Variants in FMN1 observed in about 807,000 individuals in gnomAD.
FMN1 encodes formin-1.
Under a neutral mutation model 132.4 loss-of-function variants are expected in FMN1, and 110 were observed. The ratio of observed to expected loss-of-function variants is 0.83; its 90% confidence interval spans 0.71 to 0.97. FMN1 has a LOEUF of 0.97. Ranked by LOEUF, FMN1 falls within the 50% of genes least tolerant of loss-of-function variation. The pLI, the probability that FMN1 is intolerant of heterozygous loss-of-function variation, is 0.00. For missense variants in FMN1, 1,792 were observed against 1,705.3 expected (o/e 1.05, Z -0.90); for synonymous variants, 722 against 651.7 (o/e 1.11, Z -1.64).
At chr15:32,839,832 A>G (rs1314822353) in intron 17 of FMN1, among the ~76,000 whole-genome samples, 4 of 151,890 alleles carry the variant, frequency 2.6e-5, no homozygotes, top group Non-Finnish European at 5.9e-5. Context: ...CTTAGTCATG[A>G]AATGGGGAAC....
At chr15:33,016,516 T>G (rs1254302294) in intron 6 of FMN1, among the ~76,000 whole-genome samples, 2 of 152,194 alleles carry the variant, frequency 1.3e-5, no homozygotes, top group African/African-American at 4.8e-5. Context: ...CGGTTTTGTG[T>G]CTGTCAGAAA....
rs368313585 is a variant in FMN1, at chr15:33,039,846, T to C, written c.2161+25111A>G. The stretch of plus-strand genomic sequence containing the variant: ...TAGAAGTCATTGGTTGCCTCTATCA[T>C]CTCTCCTCTGGACTACTATTAGAAA... On this transcript the variant is annotated intron_variant, in intron 6 of 20. Transcript: ENST00000616417. 2.6e-5 allele frequency among the ~76,000 whole-genome samples: 4 copies of C among 152,188 alleles called. No homozygotes were observed. In the East Asian group the frequency reaches 5.8e-4, roughly 22 times the overall value.
chr15:32,788,242 C>A (rs74011975), intron 19 of FMN1, among the ~76,000 whole-genome samples: 5,921 of 152,264 alleles, frequency 0.039, 383 homozygotes, highest in African/African-American at 0.13. Context: ...GCCGACCCGG[C>A]GATTTAGGTG....
chr15:33,156,360 C>T (rs1445232863), intron 3 of FMN1, among the ~76,000 whole-genome samples: 3 of 148,996 alleles, frequency 2.0e-5, no homozygotes, highest in Admixed American at 6.7e-5. Flanking sequence ...GGCTCACTGC[C>T]GTCTCAACAT....
chr15:32,883,546 T>C (rs1277853914), intron 16 of FMN1, among the ~76,000 whole-genome samples: 2 of 63,068 alleles, frequency 3.2e-5, no homozygotes, highest in East Asian at 7.1e-4. Context: ...AAAAAAAGAA[T>C]GAGATCAAGC....
intron 9 of FMN1, among the ~76,000 whole-genome samples, chr15:32,929,999 T>TC (rs1289708680): frequency 7.3e-6 from 1 of 137,782 alleles, no homozygotes; most frequent in African/African-American, 2.8e-5. Flanking sequence ...TTTTTTTTTT[T>TC]TTTTTTTTGA....
intron 6 of FMN1, among the ~76,000 whole-genome samples, chr15:33,024,159 A>T (rs903560488): frequency 5.9e-5 from 9 of 151,470 alleles, no homozygotes; most frequent in Admixed American, 5.3e-4. Context: ...AAAAGACACA[A>T]TCTCACTTGT....
At chr15:32,776,679 C>G (rs950423460) in intron 20 of FMN1, among the ~76,000 whole-genome samples, 156 bp downstream of exon 20, 1 of 148,848 alleles carries the variant, frequency 6.7e-6, no homozygotes, top group African/African-American at 2.5e-5. Flanking sequence ...TACCTCCACC[C>G]ACACATACTT....
chr15:33,108,727 G>A (rs1300103223), intron 4 of FMN1, among the ~76,000 whole-genome samples: 5 of 152,050 alleles, frequency 3.3e-5, no homozygotes, highest in South Asian at 2.1e-4. Context: ...CACCAAGAGG[G>A]ATTTAATTGC....
intron 19 of FMN1, among the ~76,000 whole-genome samples, chr15:32,795,732 G>C (rs74011986): frequency 0.064 from 9,780 of 152,184 alleles, 596 homozygotes; most frequent in African/African-American, 0.16. Context: ...GATGAGTCCT[G>C]ATACCAGGGG....
In FMN1 at chr15:32,777,862, T is replaced by C. The variant is rs1159015034; in HGVS notation, c.4131-943A>G. ...TATAATACATTAATTATATATTATG[T>C]ATAATATATAATACATTATATATTA... On this transcript the variant is annotated intron_variant, in intron 19 of 20. Transcript: ENST00000616417. 3.8e-3 allele frequency among the ~76,000 whole-genome samples: 57 copies of C among 14,956 alleles called. 5 individuals carry two copies. The highest frequency in any genetic ancestry group is 1.0e-2 in the African/African-American group (55 of 5,506). 9.8% of individuals were successfully genotyped at this position (14,956 alleles called of 152,430 possible).
At chr15:32,994,945 A>G (rs2033675205) in intron 7 of FMN1, among the ~76,000 whole-genome samples, 1 of 152,148 alleles carries the variant, frequency 6.6e-6, no homozygotes, top group African/African-American at 2.4e-5. Flanking sequence ...TGTTTAAAGC[A>G]AAAACTCTTA....
intron 17 of FMN1, among the ~76,000 whole-genome samples, chr15:32,832,403 A>G (rs994680126): frequency 6.6e-6 from 1 of 152,132 alleles, no homozygotes; most frequent in Admixed American, 6.5e-5. Context: ...TGGCTTCCCT[A>G]ATTTTTCTTC....
intron 17 of FMN1, among the ~76,000 whole-genome samples, chr15:32,818,628 T>C (rs2058120740): frequency 6.6e-6 from 1 of 152,214 alleles, no homozygotes; most frequent in African/African-American, 2.4e-5. Flanking sequence ...TGAGATTTCT[T>C]TATCCTGTGC....
Position 33,098,730 on chromosome 15 carries a change from G to A in FMN1, c.1868-9756C>T, listed in dbSNP as rs966234735. ...GATGAGGTTGTGTCACTGCATACCT[G>A]CTGAATCAAGATTTTGGAGATGGCT... On this transcript the variant is annotated intron_variant, in intron 4 of 20. Transcript: ENST00000616417. Among the ~76,000 whole-genome samples the A allele has an allele frequency of 1.3e-4, 20 of 152,294 alleles. No homozygotes were observed. In the East Asian group the frequency reaches 3.9e-3, roughly 29 times the overall value.
At chr15:32,877,487 TC>T (rs2141414385) in intron 16 of FMN1, among the ~76,000 whole-genome samples, 1 of 152,268 alleles carries the variant, frequency 6.6e-6, no homozygotes, top group South Asian at 2.1e-4. Context: ...ATTAAGTCAG[TC>T]TAGGGAGGAA....
At chr15:33,158,602 A>G (rs1345412670) in intron 3 of FMN1, among the ~76,000 whole-genome samples, 2 of 152,204 alleles carry the variant, frequency 1.3e-5, no homozygotes, top group Admixed American at 6.5e-5. Context: ...TTGGGACTAC[A>G]GTTCCTTTGT....
chr15:33,113,768 G>A (rs1186247372), intron 4 of FMN1, among the ~76,000 whole-genome samples: 1 of 152,118 alleles, frequency 6.6e-6, no homozygotes, highest in Non-Finnish European at 1.5e-5. Flanking sequence ...CCATGGCCAC[G>A]TCAGTTCTTT....
intron 5 of FMN1, among the ~76,000 whole-genome samples, chr15:33,068,577 T>A (rs1018604680): frequency 6.6e-6 from 1 of 151,730 alleles, no homozygotes; most frequent in African/African-American, 2.4e-5. Flanking sequence ...AAGCAATAGA[T>A]CATCTCAAAA....
Sources: gnomAD v4.1 joint callset for allele counts (sites outside exome capture counted in the v4.1 genomes callset) on GRCh38, gnomAD v4.1.1 for gene constraint, MANE v1.5 for transcripts, NCBI Gene and HGNC (gene_info 2026-07-23, HGNC 2026-07-21) for gene names.